The following DTYMK variants were observed in gnomAD, a reference collection of about 807,000 sequenced individuals.
DTYMK encodes the protein deoxythymidylate kinase, also known as thymidylate kinase.
DTYMK carries 20 observed loss-of-function variants against 20.3 expected under a neutral mutation model. The ratio of observed to expected loss-of-function variants is 0.99; its 90% CI spans 0.69 to 1.43. The LOEUF (loss-of-function observed/expected upper bound fraction) is 1.43, where lower values mean the gene tolerates loss of function less well. Among genes scored for constraint, DTYMK ranks in the 40% most tolerant of loss-of-function variants. DTYMK has a pLI of 0.00. For synonymous variants in DTYMK, 148 were observed against 124.4 expected (o/e 1.19, Z -1.27); for missense variants, 320 against 291.1 (o/e 1.10, Z -0.72).
rs2069210569 is a variant in DTYMK, at chr2:241,680,246, A to G, written c.313T>C (p.Phe105Leu). The G allele has an allele frequency of 1.9e-6, 3 of 1,614,178 alleles. No individual in the cohort carries two copies. The highest frequency in any genetic ancestry group is 2.5e-6 in the Non-Finnish European group (3 of 1,180,024). Residue 105 changes from phenylalanine to leucine, a missense_variant, in exon 3 of 5, where the codon TTC (phenylalanine) becomes CTC (leucine). By Grantham distance (22) the Phe-to-Leu change is conservative (BLOSUM62 0). Coordinates refer to ENST00000305784, the MANE Select transcript of DTYMK (RefSeq NM_012145.4). ...GCACTCACCTCCTTGGCACCGGTGA[A>G]GGCCACACCAGAAAATGCGTATCTG... is the stretch of plus-strand genomic sequence containing the variant. ...VDRYAFSGVA[F>L]TGAKENFSLD...
intron 4 of DTYMK, among the ~76,000 whole-genome samples, chr2:241,676,983 C>G (rs1559282382): frequency 6.6e-6 from 1 of 152,368 alleles, no homozygotes; most frequent in African/African-American, 2.4e-5. Context: ...GTCCTAACAG[C>G]TGTGCTGCAC....
intron 3 of DTYMK, 51 bp from the exon 4 acceptor site, chr2:241,678,700 T>A (rs1413969001): frequency 1.3e-6 from 2 of 1,593,104 alleles, no homozygotes; most frequent in Middle Eastern, 1.7e-4. Context: ...TAGGTTTTTG[T>A]TTCGAAAGTC....
chr2:241,684,330 G>A (rs2069329450), intron 2 of DTYMK, among the ~76,000 whole-genome samples: 1 of 152,190 alleles, frequency 6.6e-6, no homozygotes, highest in South Asian at 2.1e-4. Flanking sequence ...AATTCTAGAT[G>A]TGTTAAAAAG....
intron 3 of DTYMK, among the ~76,000 whole-genome samples, chr2:241,679,638 C>T (rs952132537): frequency 3.3e-5 from 5 of 150,204 alleles, no homozygotes; most frequent in South Asian, 2.1e-4. Context: ...TTTCAAAAAA[C>T]GGGGGAAAAA....
In DTYMK at chr2:241,686,766, C is replaced by A. The variant is rs376486491; in HGVS notation, c.18G>T (p.Gly6=). The A allele has an allele frequency of 2.2e-4, 326 of 1,467,142 alleles. 3 individuals are homozygous for A. The African/African-American group carries it at 3.9e-3, about 18-fold the overall frequency. The allele number at this position is 1,467,142 out of a possible 1,614,324, so 90.9% of individuals were successfully genotyped here. A position where few individuals can be genotyped will look rare whatever the true frequency, so the allele number is the denominator to read the frequency against. The part of the protein sequence containing the change: MAARR[G]ALIVLEGVDR... ...CCACGCCCTCCAGCACTATGAGAGC[C>A]CCGCGCCGGGCCGCCATGACTGTCC... The change falls in exon 1 of 5, where the codon GGG becomes GGT. Residue 6 remains glycine (G), a synonymous_variant. Coordinates refer to ENST00000305784, the MANE Select transcript of DTYMK (RefSeq NM_012145.4).
At chr2:241,684,751 TACA>T (rs1316025824) in intron 2 of DTYMK, 16 of 465,168 alleles carry the variant, frequency 3.4e-5, no homozygotes, top group African/African-American at 2.8e-4. Context: ...GGAAACCTAC[TACA>T]ATGATGTAAA....
chr2:241,678,034 G>A (rs1352026149), intron 4 of DTYMK, among the ~76,000 whole-genome samples: 1 of 152,188 alleles, frequency 6.6e-6, no homozygotes, highest in East Asian at 1.9e-4. Flanking sequence ...CCAGCACTTT[G>A]GGAGGCCGAG....
rs926109695 is a variant in DTYMK at position 241,683,319 on chromosome 2, C to A, written c.239+2450G>T. Among the ~76,000 whole-genome samples, 2 of 152,198 alleles carry A rather than the reference C, an allele frequency of 1.3e-5. 1 individual carries two copies. Among genetic ancestry groups the A allele is most frequent in the South Asian group, 4.1e-4 (2 of 4,824 alleles). On this transcript the variant is annotated intron_variant, in intron 2 of 4. Transcript: ENST00000305784. The stretch of plus-strand genomic sequence containing the variant: ...CCCTTGTTCACTGCTGGTGAGAATG[C>A]AAGATGCTGCAGCCACTTTGGAAGA...
At chr2:241,678,395 G>A (rs1384755772) in intron 4 of DTYMK, 57 bp downstream of exon 4, 6 of 1,604,888 alleles carry the variant, frequency 3.7e-6, no homozygotes, top group South Asian at 1.1e-5. Flanking sequence ...CAGCCACCAC[G>A]GTGTCATCCT....
intron 2 of DTYMK, among the ~76,000 whole-genome samples, chr2:241,680,869 A>T (rs2069242884): frequency 6.6e-6 from 1 of 152,234 alleles, no homozygotes; most frequent in Non-Finnish European, 1.5e-5. Flanking sequence ...CACAACTGGT[A>T]AAGTTCAATG....
intron 2 of DTYMK, chr2:241,685,022 A>C: frequency 1.2e-5 from 2 of 169,274 alleles, no homozygotes; most frequent in Non-Finnish European, 2.6e-5. Context: ...TGAGACCTTG[A>C]CTCTACATTA....
chr2:241,682,489 C>G (rs2069281964), intron 2 of DTYMK, among the ~76,000 whole-genome samples: 1 of 152,220 alleles, frequency 6.6e-6, no homozygotes, highest in South Asian at 2.1e-4. Context: ...AACCAACCCC[C>G]TTAAAAAGTG....
intron 2 of DTYMK, among the ~76,000 whole-genome samples, chr2:241,683,337 T>G (rs982440587): frequency 1.3e-5 from 2 of 152,214 alleles, no homozygotes; most frequent in African/African-American, 4.8e-5. Flanking sequence ...TGCAGCCACT[T>G]TGGAAGACAG....
At chr2:241,683,934 G>A (rs2069320001) in intron 2 of DTYMK, among the ~76,000 whole-genome samples, 1 of 152,100 alleles carries the variant, frequency 6.6e-6, no homozygotes, top group African/African-American at 2.4e-5. Context: ...GTACGCGCCT[G>A]TAATCCCAGC....
At chr2:241,680,046 G>C (rs1033918634) in intron 3 of DTYMK, among the ~76,000 whole-genome samples, 183 bp downstream of exon 3, 1 of 150,886 alleles carries the variant, frequency 6.6e-6, no homozygotes, top group East Asian at 1.9e-4. Context: ...ACAATCTCTA[G>C]CTACATAAAT....
chr2:241,683,668 T>C (rs1379586617), intron 2 of DTYMK, among the ~76,000 whole-genome samples: 1 of 152,160 alleles, frequency 6.6e-6, no homozygotes, highest in Non-Finnish European at 1.5e-5. Flanking sequence ...ATAACAGATT[T>C]ATAACTGCCA....
intron 2 of DTYMK, among the ~76,000 whole-genome samples, chr2:241,681,465 G>C (rs1038043188): frequency 5.3e-5 from 8 of 152,218 alleles, no homozygotes; most frequent in Admixed American, 5.2e-4. Context: ...AGAGGCAGGA[G>C]GATTGCTTGA....
At chr2:241,684,674 C>T (rs1317233743) in intron 2 of DTYMK, 4 of 448,768 alleles carry the variant, frequency 8.9e-6, no homozygotes, top group Non-Finnish European at 1.8e-5. Flanking sequence ...GTAGTTTCTA[C>T]ATATGTATAT....
Position 241,679,418 on chromosome 2 carries a change from G to A in DTYMK, c.331-769C>T, listed in dbSNP as rs369785560. Among the ~76,000 whole-genome samples, 11 of 152,296 alleles carry A rather than the reference G, an allele frequency of 7.2e-5. No homozygotes were observed. In the East Asian group the frequency reaches 1.5e-3, roughly 21 times the overall value. On this transcript the variant is annotated intron_variant, in intron 3 of 4. Coordinates refer to ENST00000305784, the MANE Select transcript of DTYMK (RefSeq NM_012145.4). ...AGTCTTGTCCTCCTTATTATACAACGTAATACTTCAGAGGGGAAGGACTCA... is the reference window on the plus strand; with the variant it reads ...AGTCTTGTCCTCCTTATTATACAACATAATACTTCAGAGGGGAAGGACTCA...
Sources: allele counts gnomAD v4.1 joint callset (sites outside exome capture counted in the v4.1 genomes callset), GRCh38; gene constraint gnomAD v4.1.1; transcripts MANE v1.5; gene names NCBI Gene and HGNC (gene_info 2026-07-23, HGNC 2026-07-21).